The following LRCH3 variants were observed in gnomAD, a reference collection of about 807,000 sequenced individuals.
The protein encoded by LRCH3 is DISP complex protein LRCH3.
Under a neutral mutation model 104.5 loss-of-function variants are expected in LRCH3, and 68 were observed. The observed-to-expected ratio is 0.65, with a 90% CI of 0.54 to 0.80. LRCH3 has a LOEUF of 0.80. LRCH3 is among the 30% of genes least tolerant of loss of function. The pLI is 0.00. For missense variants in LRCH3, 951 were observed against 953.9 expected, an observed-to-expected ratio of 1.00 and a Z score of 0.04; for synonymous variants, 344 against 361.3, an observed-to-expected ratio of 0.95 and a Z score of 0.54.
intron 7 of LRCH3, 99 bp downstream of exon 7, chr3:197,830,962 C>A: frequency 1.9e-6 from 2 of 1,042,144 alleles, no homozygotes; most frequent in Non-Finnish European, 1.5e-6. Flanking sequence ...TTTCTCACTA[C>A]ATAAAATACA....
intron 6 of LRCH3, 66 bp from the exon 7 acceptor site, chr3:197,830,704 T>A (rs1735814266): frequency 7.8e-7 from 1 of 1,278,644 alleles, no homozygotes; most frequent in Non-Finnish European, 1.1e-6. Flanking sequence ...AAAATTGATC[T>A]GTTTAATTTC....
chr3:197,866,063 TTA>T (rs1255064567), intron 16 of LRCH3, 47 bp from the exon 17 acceptor site: 1 of 1,312,950 alleles, frequency 7.6e-7, no homozygotes, highest in Non-Finnish European at 1.1e-6. Context: ...ATGTCTGCTA[TTA>T]TATTTTCATC....
chr3:197,800,724 T>A (rs1362661018), intron 1 of LRCH3, among the ~76,000 whole-genome samples: 1 of 152,234 alleles, frequency 6.6e-6, no homozygotes, highest in Non-Finnish European at 1.5e-5. Context: ...GATAAGACTG[T>A]CCATAGCATT....
rs1223485880 is a variant in LRCH3, at chr3:197,830,744, GCAGTAA to G, written c.888-22_888-17del. On this transcript the variant is annotated intron_variant, in intron 6 of 20. Coordinates refer to ENST00000425562, the MANE Select transcript of LRCH3 (RefSeq NM_001365715.1). The stretch of plus-strand genomic sequence containing the variant: ...TTTAATTGTTAAAATAACAAACTTT[GCAGTAA>G]CAGAGTCTCTTTTCGGCAGCCATGA... 6.4e-7 allele frequency: 1 copy of G among 1,552,104 alleles called. No homozygotes were observed. Among genetic ancestry groups the G allele is most frequent in the Non-Finnish European group, 8.8e-7 (1 of 1,131,648 alleles).
intron 20 of LRCH3, among the ~76,000 whole-genome samples, chr3:197,878,220 G>A (rs1713126001): frequency 6.6e-6 from 1 of 152,176 alleles, no homozygotes; most frequent in African/African-American, 2.4e-5. Flanking sequence ...CCTGTTGAAA[G>A]GTCTAAGCCT....
chr3:197,827,391 T>C (rs746678493), intron 5 of LRCH3, among the ~76,000 whole-genome samples: 3 of 151,836 alleles, frequency 2.0e-5, no homozygotes, highest in Admixed American at 1.3e-4. Flanking sequence ...AGGTAAACCA[T>C]AGTGGAAGCA....
At position 197,886,172 on chromosome 3, in the gene LRCH3, C is replaced by T. The variant is rs1266004441; in HGVS notation, c.*2506C>T. On this transcript the variant is annotated 3_prime_UTR_variant, in exon 21 of 21. Coordinates refer to ENST00000425562, the MANE Select transcript of LRCH3 (RefSeq NM_001365715.1). ...TGGGCAACATAGCAAGACCCTGTCT[C>T]CCAAAAATTAAAAAAAAAAAAAAAA... The T allele has an allele frequency of 2.1e-5, 3 of 145,312 alleles. No homozygotes were observed. The highest frequency in any genetic ancestry group is 8.2e-5 in the African/African-American group (3 of 36,794). The allele number at this position is 145,312 out of a possible 1,614,324, so 9.0% of individuals were successfully genotyped here. A position where few individuals can be genotyped will look rare whatever the true frequency, so the allele number is the denominator to read the frequency against.
In LRCH3 at chr3:197,888,067, TTC is replaced by T. The variant is rs2109604282; in HGVS notation, c.*4405_*4406del. On this transcript the variant is annotated 3_prime_UTR_variant, in exon 21 of 21. Coordinates refer to ENST00000425562, the MANE Select transcript of LRCH3 (RefSeq NM_001365715.1). ...TACAGCTAATCAAGGAGTTTGCGATTTCTCTTACTTTCTACAGCTCAGCAGTG... is the reference window on the plus strand; with the variant it reads ...TACAGCTAATCAAGGAGTTTGCGATTTCTTACTTTCTACAGCTCAGCAGTG... 6.6e-6 allele frequency: 1 copy of T among 152,372 alleles called. No homozygotes were observed. The highest frequency in any genetic ancestry group is 2.1e-4 in the South Asian group (1 of 4,828). 9.4% of individuals were successfully genotyped at this position (152,372 alleles called of 1,614,324 possible). A position where few individuals can be genotyped will look rare whatever the true frequency, so the allele number is the denominator to read the frequency against.
intron 9 of LRCH3, among the ~76,000 whole-genome samples, chr3:197,837,897 TA>T (rs11289326): frequency 0.47 from 69,326 of 147,894 alleles, 16,863 homozygotes; most frequent in Middle Eastern, 0.64. Flanking sequence ...AAATATATAT[TA>T]AAAAAAAAAA....
chr3:197,873,348 G>A (rs988171270), intron 19 of LRCH3, among the ~76,000 whole-genome samples: 1 of 152,110 alleles, frequency 6.6e-6, no homozygotes, highest in Non-Finnish European at 1.5e-5. Flanking sequence ...TTTTCCCCCA[G>A]TGTGTTTCAG....
At chr3:197,792,488 G>A (rs1195845544) in intron 1 of LRCH3, among the ~76,000 whole-genome samples, 3 of 145,468 alleles carry the variant, frequency 2.1e-5, no homozygotes, top group Admixed American at 7.1e-5. Flanking sequence ...GCTCACTGCA[G>A]CCTCGACCTC....
chr3:197,848,599 T>A (rs762214689), intron 12 of LRCH3: 1 of 152,718 alleles, frequency 6.5e-6, no homozygotes, highest in African/African-American at 2.4e-5. Flanking sequence ...CATAATTAAT[T>A]ATTTGTAATT....
At chr3:197,821,643 CT>C (rs1232737943) in intron 4 of LRCH3, among the ~76,000 whole-genome samples, 1 of 152,154 alleles carries the variant, frequency 6.6e-6, no homozygotes, top group Non-Finnish European at 1.5e-5. Context: ...TTTCTGGGTT[CT>C]TTGACAAAAT....
intron 16 of LRCH3, 108 bp downstream of exon 16, chr3:197,865,579 T>A (rs1004795749): frequency 1.3e-5 from 9 of 684,610 alleles, no homozygotes; most frequent in Non-Finnish European, 2.0e-5. Flanking sequence ...TTGACCAGGG[T>A]GGTCTCAAAC....
At chr3:197,848,190 C>T (rs1436311101) in intron 12 of LRCH3, 169 bp downstream of exon 12, 2 of 619,150 alleles carry the variant, frequency 3.2e-6, no homozygotes, top group Non-Finnish European at 5.7e-6. Context: ...TGCATGAGGA[C>T]AGAACAAGTG....
intron 14 of LRCH3, among the ~76,000 whole-genome samples, chr3:197,857,764 T>A (rs1365792130): frequency 6.6e-6 from 1 of 152,244 alleles, no homozygotes; most frequent in Non-Finnish European, 1.5e-5. Context: ...GTATTACCAT[T>A]GTCACAGTTT....
At chr3:197,878,092 T>G (rs1488443690) in intron 20 of LRCH3, among the ~76,000 whole-genome samples, 1 of 152,162 alleles carries the variant, frequency 6.6e-6, no homozygotes, top group East Asian at 1.9e-4. Context: ...CCACAGTGTC[T>G]TTAAACAAAG....
At chr3:197,835,048 G>A (rs773264289) in intron 8 of LRCH3, among the ~76,000 whole-genome samples, 43 of 152,146 alleles carry the variant, frequency 2.8e-4, no homozygotes, top group Non-Finnish European at 5.0e-4. Flanking sequence ...GGAGGCTGAG[G>A]CAGGAGAATC....
intron 1 of LRCH3, among the ~76,000 whole-genome samples, chr3:197,804,874 G>A (rs1208555486): frequency 6.6e-6 from 1 of 151,628 alleles, no homozygotes; most frequent in Non-Finnish European, 1.5e-5. Context: ...TCTGTACCTC[G>A]ATTATCCACT....
Sources: gnomAD v4.1 joint callset for allele counts (sites outside exome capture counted in the v4.1 genomes callset) on GRCh38, gnomAD v4.1.1 for gene constraint, MANE v1.5 for transcripts, NCBI Gene and HGNC (gene_info 2026-07-23, HGNC 2026-07-21) for gene names.